The following TOP1MT variants were observed in gnomAD, a reference collection of about 807,000 sequenced individuals.
TOP1MT encodes the protein DNA topoisomerase I mitochondrial.
Under a neutral mutation model 73.9 loss-of-function variants are expected in TOP1MT, and 80 were observed. The ratio of observed to expected loss-of-function variants is 1.08; its 90% CI spans 0.90 to 1.30. The LOEUF (loss-of-function observed/expected upper bound fraction) is 1.30, where lower values mean the gene tolerates loss of function less well. Among genes scored for constraint, TOP1MT ranks in the 50% most tolerant of loss-of-function variants. The pLI is 0.00. For synonymous variants in TOP1MT, 338 were observed against 326.4 expected, an observed-to-expected ratio of 1.04 and a Z score of -0.38; for missense variants, 815 against 808.0, an observed-to-expected ratio of 1.01 and a Z score of -0.10.
chr8:143,355,706 C>T (rs758166311), intron 1 of TOP1MT, among the ~76,000 whole-genome samples: 1 of 152,196 alleles, frequency 6.6e-6, no homozygotes, highest in Non-Finnish European at 1.5e-5. Context: ...GCCCCCGACA[C>T]GAATGTGCAA....
At chr8:143,334,594 C>T in intron 1 of TOP1MT, 146 bp downstream of exon 1, 1 of 1,192,572 alleles carries the variant, frequency 8.4e-7, no homozygotes. Context: ...GCCGGTCACA[C>T]CGCGGCACGC....
chr8:143,319,960 C>T (rs1008754212), intron 8 of TOP1MT, among the ~76,000 whole-genome samples: 3 of 151,696 alleles, frequency 2.0e-5, no homozygotes, highest in African/African-American at 4.8e-5. Context: ...CCTGTCTCTA[C>T]TAAGAATACA....
chr8:143,353,809 C>T lies in TOP1MT; in HGVS notation c.-39+2156G>A, dbSNP rs984093502. Among the ~76,000 whole-genome samples the T allele has an allele frequency of 6.6e-4, 99 of 150,944 alleles. 1 individual carries two copies. The highest frequency in any genetic ancestry group is 2.3e-3 in the African/African-American group (94 of 40,948). ...TGAAACCCCGTCTCTACTAAAAATA[C>T]AAAAATTAGCCAGGCGTGGTGGCGG... On this transcript the variant is annotated intron_variant, in intron 1 of 5. Transcript: ENST00000518760.
At chr8:143,336,482 A>G (rs928699473), upstream of TOP1MT, among the ~76,000 whole-genome samples, 1 of 152,194 alleles carries the variant, frequency 6.6e-6, no homozygotes, top group Non-Finnish European at 1.5e-5. Context: ...CTAACCTCAT[A>G]TGCCAGAAGA....
intron 3 of TOP1MT, chr8:143,328,279 G>A (rs760741032): frequency 2.2e-6 from 1 of 455,974 alleles, no homozygotes; most frequent in South Asian, 1.6e-5. Context: ...CAAAGTCTGG[G>A]AGATGACATT....
intron 1 of TOP1MT, 94 bp downstream of exon 1, chr8:143,334,646 C>G (rs2130361504): frequency 6.5e-7 from 1 of 1,537,112 alleles, no homozygotes; most frequent in Non-Finnish European, 8.8e-7. Context: ...GGAAGCAGGG[C>G]AAGGCCGTCC....
At position 143,325,635 on chromosome 8, in the gene TOP1MT, C is replaced by T. The variant is rs368776212; in HGVS notation, c.484-102G>A. On this transcript the variant is annotated intron_variant, in intron 4 of 13. Coordinates refer to ENST00000329245, the MANE Select transcript of TOP1MT (RefSeq NM_052963.3). ...GGACCACCCTGCTCTGTCTGGCTAACTCAGCTGGACCCTCAAAGCCCTTCA... is the reference window on the plus strand; with the variant it reads ...GGACCACCCTGCTCTGTCTGGCTAATTCAGCTGGACCCTCAAAGCCCTTCA... 139 of 1,086,178 alleles carry T rather than the reference C, an allele frequency of 1.3e-4. No individual in the cohort carries two copies. In the East Asian group the frequency reaches 2.9e-3, roughly 23 times the overall value. 67.3% of individuals were successfully genotyped at this position (1,086,178 alleles called of 1,614,324 possible).
Position 143,310,058 on chromosome 8 carries a change from G to T in TOP1MT, c.1703+10C>A. On this transcript the variant is annotated intron_variant, in intron 13 of 13. Transcript: ENST00000329245. Reference sequence around the variant, plus strand: ...CCACAGGTGGGAACTGAGACCCCAGGCACACGCACCAGGCAATGCTGATCC... The same window carrying T: ...CCACAGGTGGGAACTGAGACCCCAGTCACACGCACCAGGCAATGCTGATCC... The T allele has an allele frequency of 6.2e-7, 1 of 1,610,792 alleles. No individual in the cohort carries two copies.
intron 7 of TOP1MT, among the ~76,000 whole-genome samples, chr8:143,322,366 ACACAGG>A: frequency 1.1e-5 from 1 of 94,154 alleles, no homozygotes; most frequent in South Asian, 4.8e-4. Flanking sequence ...CACGCCACAC[ACACAGG>A]CACGCCACAC....
chr8:143,329,386 C>A lies in TOP1MT; in HGVS notation c.324G>T (p.Glu108Asp), dbSNP rs1816790745. 2 of 1,608,128 alleles carry A rather than the reference C, an allele frequency of 1.2e-6. No individual in the cohort carries two copies. Among genetic ancestry groups the A allele is most frequent in the Non-Finnish European group, 1.7e-6 (2 of 1,178,458 alleles). Reference sequence around the variant, plus strand: ...CATTGAAGAAGTTCTTCCGGAAAACCTCCTTTGTTGTGTATTCATGATCTA... The same window carrying A: ...CATTGAAGAAGTTCTTCCGGAAAACATCCTTTGTTGTGTATTCATGATCTA... ...RMLDHEYTTK[E>D]VFRKNFFNDW... The change falls in exon 3 of 14, where the codon GAG (glutamate) becomes GAT (aspartate). Residue 108 changes from glutamate to aspartate, a missense_variant. By Grantham distance (45) the Glu-to-Asp change is conservative. Around this residue, in one of 3 missense-constraint regions of TOP1MT, gnomAD observed 751 missense variants for 725.4 expected, o/e 1.04. Coordinates refer to ENST00000329245, the MANE Select transcript of TOP1MT (RefSeq NM_052963.3).
upstream of TOP1MT, among the ~76,000 whole-genome samples, chr8:143,348,676 AGGT>A (rs1334916262): frequency 1.3e-5 from 2 of 152,106 alleles, no homozygotes; most frequent in Non-Finnish European, 2.9e-5. This position sits in a 1 kb window ranked among gnomAD's most constrained non-coding sequence, Gnocchi z 4.6. Flanking sequence ...AGTTTCCTCC[AGGT>A]GGTGACAGGG....
At position 143,321,356 on chromosome 8, in the gene TOP1MT, C is replaced by A. The variant is rs377591039; in HGVS notation, c.991G>T (p.Asp331Tyr). Residue 331 changes from aspartate to tyrosine, a missense_variant, in exon 8 of 14, where the codon GAC (aspartate) becomes TAC (tyrosine). Coordinates refer to ENST00000329245, the MANE Select transcript of TOP1MT (RefSeq NM_052963.3). Reference protein sequence around the residue: ...LALRAGNEKEDGEAADTVGCC... With the variant: ...LALRAGNEKEYGEAADTVGCC... ...CCCACGGTGTCGGCCGCCTCACCGTCCTCCTTCTCATTTCCTGCTCTCAGT... is the reference window on the plus strand; with the variant it reads ...CCCACGGTGTCGGCCGCCTCACCGTACTCCTTCTCATTTCCTGCTCTCAGT... 4 of 1,595,120 alleles carry A rather than the reference C, an allele frequency of 2.5e-6. No homozygotes were observed. Among genetic ancestry groups the A allele is most frequent in the Non-Finnish European group, 3.4e-6 (4 of 1,165,928 alleles).
At chr8:143,337,831 G>T (rs1817008029), upstream of TOP1MT, among the ~76,000 whole-genome samples, 1 of 152,200 alleles carries the variant, frequency 6.6e-6, no homozygotes, top group Non-Finnish European at 1.5e-5. Context: ...GGTAGTTAAA[G>T]ATCGGCCCGG....
At chr8:143,332,382 G>T (rs907620916) in intron 1 of TOP1MT, 1 of 868,414 alleles carries the variant, frequency 1.2e-6, no homozygotes, top group Non-Finnish European at 1.6e-6. Context: ...AGAGGCTTTG[G>T]CGAGAGGGTG....
upstream of TOP1MT, among the ~76,000 whole-genome samples, chr8:143,335,789 G>A (rs1438011262): frequency 6.6e-6 from 1 of 152,226 alleles, no homozygotes; most frequent in African/African-American, 2.4e-5. Flanking sequence ...AAAGGAGTCC[G>A]GGCTGCCACC....
At chr8:143,325,640 C>T (rs1366767072) in intron 4 of TOP1MT, 107 bp from the exon 5 acceptor site, 5 of 1,066,362 alleles carry the variant, frequency 4.7e-6, no homozygotes, top group Non-Finnish European at 6.9e-6. Context: ...GCTAACTCAG[C>T]TGGACCCTCA....
At chr8:143,329,493 T>A in intron 2 of TOP1MT, 22 bp from the exon 3 acceptor site, 4 of 1,598,832 alleles carry the variant, frequency 2.5e-6, no homozygotes, top group Non-Finnish European at 3.4e-6. Context: ...GGAAGACACA[T>A]CGTATGAGAG....
intron 2 of TOP1MT, among the ~76,000 whole-genome samples, 176 bp from the exon 3 acceptor site, chr8:143,329,647 C>T (rs576928435): frequency 1.4e-3 from 208 of 152,270 alleles, no homozygotes; most frequent in African/African-American, 4.8e-3. Context: ...AATCAACCTG[C>T]GTGGAGGTGG....
chr8:143,321,239 A>C lies in TOP1MT; in HGVS notation c.1108T>G (p.Cys370Gly). The C allele has an allele frequency of 6.2e-7, 1 of 1,611,696 alleles. No homozygotes were observed. The highest frequency in any genetic ancestry group is 8.5e-7 in the Non-Finnish European group (1 of 1,178,844). Reference protein sequence around the residue: ...VVEFDFLGKDCIRYYNRVPVE... With the variant: ...VVEFDFLGKDGIRYYNRVPVE... The stretch of plus-strand genomic sequence containing the variant: ...GGCACTCTGTTGTAGTAGCGGATGC[A>C]GTCCTTCCCCAGGAAGTCAAATTCC... Residue 370 changes from cysteine to glycine, a missense_variant, in exon 8 of 14, where the codon TGC becomes GGC. Physicochemically the swap from Cys to Gly is radical, Grantham distance 159 (BLOSUM62 -3). Around this residue, in one of 3 missense-constraint regions of TOP1MT, gnomAD observed 751 missense variants for 725.4 expected, o/e 1.04. Coordinates refer to ENST00000329245, the MANE Select transcript of TOP1MT (RefSeq NM_052963.3).
Sources: allele counts gnomAD v4.1 joint callset (sites outside exome capture counted in the v4.1 genomes callset), GRCh38; gene constraint gnomAD v4.1.1; regional missense constraint gnomAD v4.1.1; non-coding constraint Gnocchi (gnomAD v3.1); transcripts MANE v1.5; gene names NCBI Gene and HGNC (gene_info 2026-07-23, HGNC 2026-07-21).